MARCHF3: variants seen among roughly 807,000 people sequenced by gnomAD.
MARCHF3 encodes the protein E3 ubiquitin-protein ligase MARCHF3.
In MARCHF3, 13 loss-of-function variants were observed where a neutral mutation model predicts 24.2. That is an observed-to-expected ratio of 0.54 (90% CI 0.35 to 0.85). The LOEUF is 0.85. MARCHF3 is among the 40% of genes least tolerant of loss of function. The probability of loss-of-function intolerance (pLI) is 0.01; values close to 1 mark genes in which losing one functional copy is unlikely to be tolerated. For missense variants in MARCHF3, 276 were observed against 325.0 expected (o/e 0.85, Z 1.16); for synonymous variants, 144 against 137.3 (o/e 1.05, Z -0.34).
chr5:126,925,629 A>G (rs1326195909), intron 1 of MARCHF3, among the ~76,000 whole-genome samples: 1 of 152,250 alleles, frequency 6.6e-6, no homozygotes, highest in African/African-American at 2.4e-5. Context: ...TCAAAGACAC[A>G]GCGACAGCTG....
At chr5:126,956,645 C>CA (rs60640113) in intron 1 of MARCHF3, among the ~76,000 whole-genome samples, 1,399 of 20,336 alleles carry the variant, frequency 0.069, 132 homozygotes, top group Middle Eastern at 0.17. Flanking sequence ...GCTCTGTCTC[C>CA]AAAAAAAAAA....
intron 1 of MARCHF3, among the ~76,000 whole-genome samples, chr5:126,987,993 CTG>C (rs1422369460): frequency 7.9e-5 from 12 of 152,088 alleles, no homozygotes; most frequent in African/African-American, 2.7e-4. Flanking sequence ...TACAGAAACT[CTG>C]TATTATTTTA....
intron 1 of MARCHF3, among the ~76,000 whole-genome samples, chr5:126,978,638 C>T (rs185940250): frequency 4.6e-5 from 7 of 152,302 alleles, no homozygotes; most frequent in South Asian, 2.1e-4. Context: ...AGAAAAAAGA[C>T]GTTTTCTTCA....
At chr5:126,929,828 G>A (rs1257227837) in intron 1 of MARCHF3, among the ~76,000 whole-genome samples, 1 of 152,166 alleles carries the variant, frequency 6.6e-6, no homozygotes, top group African/African-American at 2.4e-5. Context: ...TGCTGTTCTT[G>A]TGATAGTGAA....
intron 3 of MARCHF3, among the ~76,000 whole-genome samples, chr5:126,885,572 C>T (rs1580599890): frequency 6.6e-6 from 1 of 151,680 alleles, no homozygotes; most frequent in African/African-American, 2.4e-5. Context: ...TAAAAAAAAT[C>T]TTGATTTAAA....
chr5:127,011,542 T>A (rs1752473529), intron 1 of MARCHF3, among the ~76,000 whole-genome samples: 1 of 152,190 alleles, frequency 6.6e-6, no homozygotes, highest in Non-Finnish European at 1.5e-5. Flanking sequence ...TATGCAAGTA[T>A]GTTTGCAAAA....
At chr5:127,007,995 C>T (rs751740169) in intron 1 of MARCHF3, among the ~76,000 whole-genome samples, 6 of 151,802 alleles carry the variant, frequency 4.0e-5, no homozygotes, top group Non-Finnish European at 8.8e-5. Context: ...AAAACCTAGT[C>T]CTCCTTCAGA....
chr5:127,001,151 T>C (rs766332834), intron 1 of MARCHF3, among the ~76,000 whole-genome samples: 2 of 151,954 alleles, frequency 1.3e-5, no homozygotes, highest in Non-Finnish European at 2.9e-5. Flanking sequence ...GGCAGGAGGA[T>C]TGCTTGAACC....
At position 127,017,262 on chromosome 5, in the gene MARCHF3, T is replaced by TA. The variant is rs143395268; in HGVS notation, c.-57+13087dup. On this transcript the variant is annotated intron_variant, in intron 1 of 4. Transcript: ENST00000308660. Reference sequence around the variant, plus strand: ...ATGTACCCTAGAACTTAAAGTATGATAAAAAAAAATGAATTATCCCAGTTT... The same window carrying TA: ...ATGTACCCTAGAACTTAAAGTATGATAAAAAAAAAATGAATTATCCCAGTTT... 2.1e-3 allele frequency among the ~76,000 whole-genome samples: 318 copies of TA among 151,376 alleles called. No homozygotes were observed. The Middle Eastern group carries it at 0.034, about 16-fold the overall frequency.
intron 1 of MARCHF3, among the ~76,000 whole-genome samples, chr5:126,931,659 C>T (rs12655258): frequency 0.092 from 13,893 of 151,714 alleles, 1,410 homozygotes; most frequent in African/African-American, 0.25. Context: ...TGTAAAATCT[C>T]ATCATCCTAG....
At chr5:126,923,310 C>T (rs1749186193) in intron 1 of MARCHF3, among the ~76,000 whole-genome samples, 1 of 152,212 alleles carries the variant, frequency 6.6e-6, no homozygotes, top group African/African-American at 2.4e-5. Flanking sequence ...TCCCAAGGCC[C>T]TTTTCAGGCC....
intron 1 of MARCHF3, among the ~76,000 whole-genome samples, chr5:126,989,495 CCCT>C (rs1561461902): frequency 6.6e-6 from 1 of 151,886 alleles, no homozygotes; most frequent in African/African-American, 2.4e-5. Flanking sequence ...ATTTAGTTTC[CCCT>C]CCCCCTCCCC....
intron 1 of MARCHF3, among the ~76,000 whole-genome samples, chr5:126,927,392 TGAACCTCTTTAGGGAACCTCTTTAGG>T (rs556798236): frequency 1.3e-5 from 2 of 152,146 alleles, no homozygotes; most frequent in African/African-American, 4.8e-5. Context: ...AAAGCACTTA[TGAACCTCTTTAGGGAACCTCTTTAGG>T]GAACCTCTTT....
At chr5:126,950,874 A>G (rs1038004233) in intron 1 of MARCHF3, among the ~76,000 whole-genome samples, 5 of 152,322 alleles carry the variant, frequency 3.3e-5, no homozygotes, top group African/African-American at 1.2e-4. Flanking sequence ...TTATTGAGGT[A>G]TAACTAAAAT....
chr5:126,926,472 C>T (rs545357415), intron 1 of MARCHF3, among the ~76,000 whole-genome samples: 28 of 152,278 alleles, frequency 1.8e-4, no homozygotes, highest in African/African-American at 6.5e-4. Flanking sequence ...GCTAAACCTC[C>T]TTGGACTTTG....
intron 1 of MARCHF3, among the ~76,000 whole-genome samples, chr5:126,980,915 G>C (rs1751371787): frequency 6.6e-6 from 1 of 152,208 alleles, no homozygotes; most frequent in Non-Finnish European, 1.5e-5. Context: ...ATTGTTTTTA[G>C]ACTATCTGTG....
chr5:127,001,162 T>C (rs1358680346), intron 1 of MARCHF3, among the ~76,000 whole-genome samples: 2 of 151,594 alleles, frequency 1.3e-5, no homozygotes, highest in African/African-American at 4.8e-5. Context: ...TGCTTGAACC[T>C]GGGAGATGGA....
chr5:126,980,494 C>T (rs1264738054), intron 1 of MARCHF3, among the ~76,000 whole-genome samples: 1 of 152,008 alleles, frequency 6.6e-6, no homozygotes, highest in Non-Finnish European at 1.5e-5. Context: ...CCTCAGCCTC[C>T]TGAATAGCTG....
chr5:126,870,871 C>A, intron 4 of MARCHF3, 80 bp from the exon 5 acceptor site: 1 of 1,554,336 alleles, frequency 6.4e-7, no homozygotes, highest in Non-Finnish European at 8.7e-7. Flanking sequence ...ACAAATATGT[C>A]ATTTGAAAGA....
Sources: allele counts gnomAD v4.1 joint callset (sites outside exome capture counted in the v4.1 genomes callset), GRCh38; gene constraint gnomAD v4.1.1; transcripts MANE v1.5; gene names NCBI Gene and HGNC (gene_info 2026-07-23, HGNC 2026-07-21).